Variants in CNTN5 observed in about 807,000 individuals in gnomAD.
The protein encoded by CNTN5 is contactin 5.
A neutral mutation model predicts 129.1 loss-of-function variants in CNTN5; 77 were observed. The ratio of observed to expected loss-of-function variants is 0.60; its 90% CI spans 0.50 to 0.72. The LOEUF is 0.72. Among genes scored for constraint, CNTN5 ranks in the 30% least tolerant of loss-of-function variants. CNTN5 has a pLI of 0.00. For synonymous variants in CNTN5, 509 were observed against 465.6 expected (o/e 1.09, Z -1.20); for missense variants, 1,478 against 1,328.8 (o/e 1.11, Z -1.75).
At chr11:99,797,056 C>T (rs1473279376) in intron 3 of CNTN5, among the ~76,000 whole-genome samples, 1 of 152,060 alleles carries the variant, frequency 6.6e-6, no homozygotes, top group African/African-American at 2.4e-5. Context: ...TTCTGCCTGA[C>T]ATCTGTGTCC....
intron 13 of CNTN5, among the ~76,000 whole-genome samples, chr11:100,089,297 T>C (rs1944666712): frequency 6.6e-6 from 1 of 151,920 alleles, no homozygotes; most frequent in Non-Finnish European, 1.5e-5. Flanking sequence ...CCAACAAACA[T>C]ATGCAAAAAA....
intron 1 of CNTN5, among the ~76,000 whole-genome samples, chr11:99,188,233 G>A (rs943477816): frequency 6.6e-6 from 1 of 151,640 alleles, no homozygotes; most frequent in Non-Finnish European, 1.5e-5. Flanking sequence ...AAATAATGGT[G>A]GAATAAATAA....
intron 2 of CNTN5, among the ~76,000 whole-genome samples, chr11:99,381,813 C>A (rs1170252223): frequency 6.6e-6 from 1 of 152,020 alleles, no homozygotes; most frequent in Non-Finnish European, 1.5e-5. Flanking sequence ...TCAGGTCCAA[C>A]ATGTTAGAAG....
In CNTN5 at chr11:99,063,507, CATAAATAAATAA is replaced by C. The variant is rs67049549; in HGVS notation, c.-210+42271_-210+42282del. On this transcript the variant is annotated intron_variant, in intron 1 of 24. Coordinates refer to ENST00000524871, the MANE Select transcript of CNTN5 (RefSeq NM_014361.4). ...TTTAAAAGAGAATTTACTGAAAACT[CATAAATAAATAA>C]ATAAATAAATAAATAAATAAATAAA... Among the ~76,000 whole-genome samples the C allele has an allele frequency of 2.2e-3, 332 of 148,790 alleles. 5 individuals carry two copies. Among genetic ancestry groups the C allele is most frequent in the Middle Eastern group, 0.017 (5 of 290 alleles).
At chr11:99,312,468 G>A (rs1865153863) in intron 1 of CNTN5, among the ~76,000 whole-genome samples, 4 of 152,096 alleles carry the variant, frequency 2.6e-5, no homozygotes, top group Admixed American at 1.3e-4. Context: ...TGCATGACCT[G>A]CAAGAAATAC....
intron 1 of CNTN5, among the ~76,000 whole-genome samples, chr11:99,030,847 C>A (rs1863340272): frequency 6.9e-6 from 1 of 145,106 alleles, no homozygotes. Flanking sequence ...GTGGCGCGAT[C>A]TCGGTTCACT....
At chr11:99,764,861 T>A (rs1944700734) in intron 3 of CNTN5, among the ~76,000 whole-genome samples, 1 of 152,178 alleles carries the variant, frequency 6.6e-6, no homozygotes, top group South Asian at 2.1e-4. Context: ...GTAGCATCCT[T>A]ATTTGATAGC....
At chr11:99,238,293 G>A (rs1205625273) in intron 1 of CNTN5, among the ~76,000 whole-genome samples, 1 of 152,126 alleles carries the variant, frequency 6.6e-6, no homozygotes, top group Non-Finnish European at 1.5e-5. Context: ...AGACACTTTA[G>A]AAAGTGATTG....
intron 1 of CNTN5, among the ~76,000 whole-genome samples, chr11:99,124,871 A>T (rs1858540098): frequency 6.6e-6 from 1 of 152,088 alleles, no homozygotes. Flanking sequence ...CTAGAAAAAA[A>T]TGAATAAATT....
At chr11:99,919,362 A>G (rs1373306073) in intron 7 of CNTN5, among the ~76,000 whole-genome samples, 1 of 152,124 alleles carries the variant, frequency 6.6e-6, no homozygotes, top group Non-Finnish European at 1.5e-5. Flanking sequence ...GGAGCAGTCC[A>G]TCAACATGGA....
chr11:99,432,030 G>A (rs905050623), intron 2 of CNTN5, among the ~76,000 whole-genome samples: 1 of 152,172 alleles, frequency 6.6e-6, no homozygotes, highest in Non-Finnish European at 1.5e-5. Flanking sequence ...CAGTAAGTCC[G>A]CACTTTAGGT....
chr11:100,039,419 A>G (rs183517615), intron 9 of CNTN5, among the ~76,000 whole-genome samples: 1 of 151,832 alleles, frequency 6.6e-6, no homozygotes, highest in Admixed American at 6.6e-5. Context: ...CTTCATTTCA[A>G]CTTTGGTGAA....
At chr11:99,335,982 A>G (rs1474482169) in intron 2 of CNTN5, among the ~76,000 whole-genome samples, 1 of 152,194 alleles carries the variant, frequency 6.6e-6, no homozygotes, top group Non-Finnish European at 1.5e-5. Context: ...CTGGAAACAC[A>G]GAGAATCCTA....
At chr11:99,615,852 C>T (rs1421322270) in intron 3 of CNTN5, among the ~76,000 whole-genome samples, 1 of 151,888 alleles carries the variant, frequency 6.6e-6, no homozygotes, top group African/African-American at 2.4e-5. Context: ...ACCTCCACAT[C>T]TTGCACTCAA....
chr11:99,634,843 C>T (rs1229076171), intron 3 of CNTN5, among the ~76,000 whole-genome samples: 5 of 152,152 alleles, frequency 3.3e-5, no homozygotes, highest in African/African-American at 9.7e-5. Context: ...TGAAAGGTGA[C>T]CCGTGTCATC....
intron 3 of CNTN5, among the ~76,000 whole-genome samples, chr11:99,573,808 T>A (rs928977474): frequency 1.3e-5 from 2 of 152,006 alleles, no homozygotes; most frequent in African/African-American, 4.8e-5. Flanking sequence ...GAAACCTTTC[T>A]AGAGCATATG....
At chr11:99,064,326 G>A (rs1267975808) in intron 1 of CNTN5, among the ~76,000 whole-genome samples, 2 of 152,116 alleles carry the variant, frequency 1.3e-5, no homozygotes, top group Non-Finnish European at 2.9e-5. Context: ...TTCATTCTGT[G>A]TACACATTTA....
intron 2 of CNTN5, among the ~76,000 whole-genome samples, chr11:99,339,791 A>ACT (rs1866426433): frequency 7.1e-6 from 1 of 141,550 alleles, no homozygotes; most frequent in Non-Finnish European, 1.5e-5. Flanking sequence ...CAAAAAAGAA[A>ACT]AAAAAAAAAA....
intron 1 of CNTN5, among the ~76,000 whole-genome samples, chr11:99,111,080 A>G (rs573291381): frequency 2.0e-5 from 3 of 152,240 alleles, no homozygotes; most frequent in Admixed American, 2.0e-4. Flanking sequence ...GTGTCTACCC[A>G]TGACTAGATA....
Sources: gnomAD v4.1 joint callset for allele counts (sites outside exome capture counted in the v4.1 genomes callset) on GRCh38, gnomAD v4.1.1 for gene constraint, MANE v1.5 for transcripts, NCBI Gene and HGNC (gene_info 2026-07-23, HGNC 2026-07-21) for gene names.